Variants in SFRP1 observed in about 807,000 individuals in gnomAD.
SFRP1 encodes the protein secreted frizzled related protein 1.
SFRP1 carries 9 observed loss-of-function variants against 25.9 expected under a neutral mutation model. The ratio of observed to expected loss-of-function variants is 0.35; its 90% CI spans 0.21 to 0.61. The LOEUF is 0.61. Among genes scored for constraint, SFRP1 ranks in the 20% least tolerant of loss-of-function variants. The probability of loss-of-function intolerance (pLI) is 0.78; values close to 1 mark genes in which losing one functional copy is unlikely to be tolerated. For missense variants in SFRP1, 346 were observed against 418.2 expected, an observed-to-expected ratio of 0.83 and a Z score of 1.51; for synonymous variants, 178 against 174.0, an observed-to-expected ratio of 1.02 and a Z score of -0.18.
Position 41,265,134 on chromosome 8 carries a change from CGAGGCTCCCTCCCCA to C in SFRP1, c.*18_*32del. 5.4e-6 allele frequency: 4 copies of C among 745,302 alleles called. No individual in the cohort carries two copies. The highest frequency in any genetic ancestry group is 3.7e-5 in the South Asian group (2 of 54,400). 46.2% of individuals were successfully genotyped at this position (745,302 alleles called of 1,614,324 possible). A position where few individuals can be genotyped will look rare whatever the true frequency, so the allele number is the denominator to read the frequency against. ...CTGTCCCCCCCGCTCCCACCCCACC[CGAGGCTCCCTCCCCA>C]CCCTGCCCCCGGGAGAATCACTTAA... On this transcript the variant is annotated 3_prime_UTR_variant, in exon 3 of 3. Transcript: ENST00000220772.
chr8:41,289,279 T>G (rs1803746703), intron 2 of SFRP1, among the ~76,000 whole-genome samples: 1 of 152,192 alleles, frequency 6.6e-6, no homozygotes, highest in Non-Finnish European at 1.5e-5. Context: ...AGATCACCTA[T>G]GGTGACCCCT....
chr8:41,308,778 G>A lies in SFRP1; in HGVS notation c.382C>T (p.Pro128Ser). Residue 128 changes from proline to serine, a missense_variant, in exon 1 of 3, where the codon CCG (proline) becomes TCG (serine). By Grantham distance (74) the Pro-to-Ser change is moderately conservative. Coordinates refer to ENST00000220772, the MANE Select transcript of SFRP1 (RefSeq NM_003012.5). ...APVCLDRPIY[P>S]CRWLCEAVRD... ...ACGGCCTCGCAGAGCCAGCGACACG[G>A]GTAGATGGGCCGGTCCAGGCAGACG... 1.2e-6 allele frequency: 2 copies of A among 1,611,314 alleles called. No homozygotes were observed. Among genetic ancestry groups the A allele is most frequent in the Non-Finnish European group, 1.7e-6 (2 of 1,179,060 alleles).
Position 41,308,812 on chromosome 8 carries a change from G to C in SFRP1, c.348C>G (p.Leu116=). The C allele has an allele frequency of 3.7e-6, 6 of 1,610,622 alleles. No homozygotes were observed. The highest frequency in any genetic ancestry group is 4.2e-6 in the Non-Finnish European group (5 of 1,179,172). Residue 116 remains leucine, a synonymous_variant, in exon 1 of 3, where the codon CTC becomes CTG. Coordinates refer to ENST00000220772, the MANE Select transcript of SFRP1 (RefSeq NM_003012.5). ...HAGTQVFLCS[L]FAPVCLDRPI... Reference sequence around the variant, plus strand: ...GCCGGTCCAGGCAGACGGGCGCGAAGAGCGAGCAGAGGAAGACCTGGGTGC... The same window carrying C: ...GCCGGTCCAGGCAGACGGGCGCGAACAGCGAGCAGAGGAAGACCTGGGTGC...
chr8:41,272,508 G>C (rs922445716), intron 2 of SFRP1, among the ~76,000 whole-genome samples: 4 of 152,180 alleles, frequency 2.6e-5, no homozygotes, highest in African/African-American at 9.7e-5. Context: ...AATTGGGAGG[G>C]TGAGGTAGGA....
chr8:41,292,343 C>G (rs1481014762), intron 2 of SFRP1, among the ~76,000 whole-genome samples: 3 of 152,250 alleles, frequency 2.0e-5, no homozygotes, highest in South Asian at 2.1e-4. Context: ...GTGACTGGAC[C>G]ATAGAGGCAG....
At chr8:41,286,152 G>C (rs1265843994) in intron 2 of SFRP1, among the ~76,000 whole-genome samples, 1 of 152,148 alleles carries the variant, frequency 6.6e-6, no homozygotes, top group Admixed American at 6.5e-5. Context: ...GAACCCAAGA[G>C]AGAGAAACAC....
intron 2 of SFRP1, among the ~76,000 whole-genome samples, chr8:41,291,052 G>T (rs1044545085): frequency 4.0e-5 from 6 of 150,796 alleles, no homozygotes; most frequent in African/African-American, 1.5e-4. Flanking sequence ...GACTACAGGC[G>T]CCCGCCACCA....
At chr8:41,273,210 C>T (rs991241318) in intron 2 of SFRP1, among the ~76,000 whole-genome samples, 2 of 152,196 alleles carry the variant, frequency 1.3e-5, no homozygotes, top group Non-Finnish European at 2.9e-5. Context: ...GTATTATCAG[C>T]CAGGCACAGT....
At chr8:41,272,716 A>G (rs1257964410) in intron 2 of SFRP1, among the ~76,000 whole-genome samples, 1 of 152,250 alleles carries the variant, frequency 6.6e-6, no homozygotes, top group Non-Finnish European at 1.5e-5. Context: ...GAGGAAAGAA[A>G]AAGAGAATCA....
chr8:41,266,331 C>T lies in SFRP1; in HGVS notation c.623-842G>A, dbSNP rs533575498. On this transcript the variant is annotated intron_variant, in intron 2 of 2. Transcript: ENST00000220772. ...TCTTTTTAAAAATCCAGTTATCATGCACTGCTTTAAGAGAAAAAAGGGTCC... is the reference window on the plus strand; with the variant it reads ...TCTTTTTAAAAATCCAGTTATCATGTACTGCTTTAAGAGAAAAAAGGGTCC... Among the ~76,000 whole-genome samples the T allele has an allele frequency of 3.9e-5, 6 of 152,252 alleles. No homozygotes were observed. In the South Asian group the frequency reaches 1.0e-3, roughly 26 times the overall value.
In SFRP1 at chr8:41,299,499, TAAAAAAAAAA is replaced by T. The variant is rs576175856; in HGVS notation, c.622+3952_622+3961del. On this transcript the variant is annotated intron_variant, in intron 2 of 2. Transcript: ENST00000220772. ...ACCTTGAAAAGAGCCTTCTCCTTTA[TAAAAAAAAAA>T]AAAAAAAAAAAAAAAAAGAAGTCCA... 8.1e-3 allele frequency among the ~76,000 whole-genome samples: 453 copies of T among 56,022 alleles called. 4 individuals are homozygous for T. Among genetic ancestry groups the T allele is most frequent in the African/African-American group, 8.9e-3 (104 of 11,712 alleles). 36.8% of individuals were successfully genotyped at this position (56,022 alleles called of 152,430 possible). A position where few individuals can be genotyped will look rare whatever the true frequency, so the allele number is the denominator to read the frequency against.
chr8:41,288,637 G>A (rs1055242486), intron 2 of SFRP1, among the ~76,000 whole-genome samples: 2 of 151,438 alleles, frequency 1.3e-5, no homozygotes, highest in African/African-American at 4.9e-5. Context: ...GCTCTGTGGG[G>A]GATGCATGAT....
Position 41,295,232 on chromosome 8 carries a change from G to A in SFRP1, c.622+8229C>T, listed in dbSNP as rs571890809. Among the ~76,000 whole-genome samples, 11 of 152,190 alleles carry A rather than the reference G, an allele frequency of 7.2e-5. No individual in the cohort carries two copies. In the South Asian group the frequency reaches 1.7e-3, roughly 23 times the overall value. On this transcript the variant is annotated intron_variant, in intron 2 of 2. Coordinates refer to ENST00000220772, the MANE Select transcript of SFRP1 (RefSeq NM_003012.5). ...AAAAATTAGCCAGGCATGGTGGTGC[G>A]TGCCTGTAATCCCAGCTACTCAGGA... is the stretch of plus-strand genomic sequence containing the variant.
At chr8:41,287,491 T>C (rs2117501232) in intron 2 of SFRP1, among the ~76,000 whole-genome samples, 1 of 152,312 alleles carries the variant, frequency 6.6e-6, no homozygotes, top group Non-Finnish European at 1.5e-5. Flanking sequence ...GATGCATCCA[T>C]CCCACCTGCA....
Position 41,309,112 on chromosome 8 carries a change from G to T in SFRP1, c.48C>A (p.Gly16=). Residue 16 remains glycine, a synonymous_variant, in exon 1 of 3, where the codon GGC becomes GGA. Transcript: ENST00000220772. ...GCGCCGCGCCCAGCGCCAGCAGCAC[G>T]CCCAGGGCTGCCCCGCGGCGGCCCC... The part of the protein sequence containing the change: ...SEGGRRGAAL[G]VLLALGAALL... 6.8e-7 allele frequency: 1 copy of T among 1,474,164 alleles called. No individual in the cohort carries two copies. The highest frequency in any genetic ancestry group is 1.3e-5 in the South Asian group (1 of 76,372). The allele number at this position is 1,474,164 out of a possible 1,614,324, so 91.3% of individuals were successfully genotyped here. A position where few individuals can be genotyped will look rare whatever the true frequency, so the allele number is the denominator to read the frequency against.
intron 2 of SFRP1, among the ~76,000 whole-genome samples, chr8:41,286,386 G>A (rs1472055278): frequency 1.3e-5 from 2 of 152,150 alleles, no homozygotes; most frequent in Non-Finnish European, 2.9e-5. Flanking sequence ...ACAAACACAG[G>A]GACACAACTG....
intron 1 of SFRP1, among the ~76,000 whole-genome samples, chr8:41,307,594 T>C (rs1273858163): frequency 2.0e-5 from 3 of 152,198 alleles, no homozygotes; most frequent in African/African-American, 7.2e-5. Flanking sequence ...CCCCAATCCC[T>C]GACCCTCTCC....
At chr8:41,291,040 G>A in intron 2 of SFRP1, among the ~76,000 whole-genome samples, 1 of 150,818 alleles carries the variant, frequency 6.6e-6, no homozygotes, top group East Asian at 2.0e-4. Flanking sequence ...CTGAGTAGCT[G>A]GGACTACAGG....
intron 2 of SFRP1, among the ~76,000 whole-genome samples, chr8:41,278,054 A>G (rs1448096913): frequency 6.6e-6 from 1 of 152,168 alleles, no homozygotes; most frequent in Non-Finnish European, 1.5e-5. Flanking sequence ...TCACAGTGGT[A>G]TCTTTTAAGG....
Sources: allele counts gnomAD v4.1 joint callset (sites outside exome capture counted in the v4.1 genomes callset), GRCh38; gene constraint gnomAD v4.1.1; transcripts MANE v1.5; gene names NCBI Gene and HGNC (gene_info 2026-07-23, HGNC 2026-07-21).